SEMA3C: variants seen among roughly 807,000 people sequenced by gnomAD.
SEMA3C encodes semaphorin-3C.
A neutral mutation model predicts 89.4 loss-of-function variants in SEMA3C; 47 were observed. The ratio of observed to expected loss-of-function variants is 0.53; its 90% CI spans 0.42 to 0.67. The LOEUF (loss-of-function observed/expected upper bound fraction) is 0.67. SEMA3C is among the 30% of genes least tolerant of loss of function. The probability of loss-of-function intolerance (pLI) is 0.00; values close to 1 mark genes in which losing one functional copy is unlikely to be tolerated. For missense variants in SEMA3C, 839 were observed against 929.1 expected, an observed-to-expected ratio of 0.90 and a Z score of 1.26; for synonymous variants, 310 against 320.2, an observed-to-expected ratio of 0.97 and a Z score of 0.34.
intron 2 of SEMA3C, among the ~76,000 whole-genome samples, chr7:80,850,826 A>G (rs1360625737): frequency 1.3e-5 from 2 of 152,190 alleles, no homozygotes; most frequent in African/African-American, 4.8e-5. Flanking sequence ...GAATCAGTGT[A>G]TATTAGTTTT....
At chr7:80,870,077 C>T (rs529751908) in intron 2 of SEMA3C, among the ~76,000 whole-genome samples, 5 of 152,250 alleles carry the variant, frequency 3.3e-5, no homozygotes, top group African/African-American at 7.2e-5. Context: ...GTCCACTGTC[C>T]TCCATGCTCT....
chr7:80,761,766 T>C (rs1583852468), intron 13 of SEMA3C, 109 bp from the exon 14 acceptor site: 1 of 598,426 alleles, frequency 1.7e-6, no homozygotes, highest in Non-Finnish European at 2.9e-6. Context: ...TTTCTTTATA[T>C]ATACATCTAC....
At position 80,869,230 on chromosome 7, in the gene SEMA3C, T is replaced by C. The variant is rs558092261; in HGVS notation, c.104-40485A>G. ...GGCAGTGCTTGTAAGTGATCACTTA[T>C]GAATTTAATGTTCATAATTAGCTGT... On this transcript the variant is annotated intron_variant, in intron 2 of 17. Transcript: ENST00000265361. Among the ~76,000 whole-genome samples the C allele has an allele frequency of 1.1e-3, 169 of 152,308 alleles. 1 individual carries two copies. The Middle Eastern group carries it at 0.02, about 18-fold the overall frequency.
chr7:80,828,767 G>A lies in SEMA3C; in HGVS notation c.104-22C>T, dbSNP rs552457991. ...AGTTCTGAAAGAGTGAACAGCACAA[G>A]TGTAGATACAGTATCCTGGTTCTAT... On this transcript the variant is annotated intron_variant, in intron 2 of 17. Coordinates refer to ENST00000265361, the MANE Select transcript of SEMA3C (RefSeq NM_006379.5). 3.5e-5 allele frequency: 55 copies of A among 1,560,006 alleles called. 1 individual carries two copies. The highest frequency in any genetic ancestry group is 3.5e-4 in the South Asian group (29 of 82,764).
chr7:80,795,852 T>C (rs1042770637), intron 11 of SEMA3C, among the ~76,000 whole-genome samples: 2 of 152,154 alleles, frequency 1.3e-5, no homozygotes, highest in Admixed American at 6.5e-5. Flanking sequence ...ATGGTGTAGA[T>C]AGTTCCATGA....
chr7:80,913,314 T>C (rs955154469), intron 2 of SEMA3C, among the ~76,000 whole-genome samples: 6 of 152,058 alleles, frequency 3.9e-5, no homozygotes, highest in Non-Finnish European at 8.8e-5. Flanking sequence ...GGCAGGACAA[T>C]TGCTTGAACC....
chr7:80,751,176 C>T (rs758478056), intron 16 of SEMA3C, 93 bp downstream of exon 16: 43 of 1,018,602 alleles, frequency 4.2e-5, no homozygotes, highest in Admixed American at 8.1e-5. Flanking sequence ...GAAAGTGAAA[C>T]GCCTGAATCT....
intron 2 of SEMA3C, among the ~76,000 whole-genome samples, chr7:80,842,029 T>G (rs554952147): frequency 3.9e-5 from 6 of 152,146 alleles, no homozygotes; most frequent in Non-Finnish European, 8.8e-5. Flanking sequence ...TCCTTTTTTC[T>G]TGTCTCTCTC....
chr7:80,779,240 T>C (rs960094007), intron 12 of SEMA3C, among the ~76,000 whole-genome samples: 1 of 152,176 alleles, frequency 6.6e-6, no homozygotes, highest in Non-Finnish European at 1.5e-5. Flanking sequence ...ATGATTTTCA[T>C]TGGGTTGCTG....
At chr7:80,749,171 A>G in intron 16 of SEMA3C, 143 bp from the exon 17 acceptor site, 1 of 830,926 alleles carries the variant, frequency 1.2e-6, no homozygotes, top group East Asian at 3.0e-5. Flanking sequence ...AACAGTGGTA[A>G]TCATTTAACA....
intron 12 of SEMA3C, among the ~76,000 whole-genome samples, chr7:80,777,708 C>T (rs1302638780): frequency 6.6e-6 from 1 of 152,180 alleles, no homozygotes; most frequent in African/African-American, 2.4e-5. Context: ...TAGAATTTTA[C>T]AGGTGCACAC....
At chr7:80,775,525 A>C (rs967040939) in intron 12 of SEMA3C, among the ~76,000 whole-genome samples, 1 of 152,154 alleles carries the variant, frequency 6.6e-6, no homozygotes, top group Non-Finnish European at 1.5e-5. Flanking sequence ...ATTATATTCT[A>C]TTTTTAATGC....
chr7:80,872,670 G>A (rs555082071), intron 2 of SEMA3C, among the ~76,000 whole-genome samples: 2 of 151,456 alleles, frequency 1.3e-5, no homozygotes, highest in East Asian at 2.0e-4. Context: ...GCATGGTGGT[G>A]CGCACCTGTA....
chr7:80,860,524 C>T (rs1184317195), intron 2 of SEMA3C, among the ~76,000 whole-genome samples: 2 of 152,090 alleles, frequency 1.3e-5, no homozygotes, highest in East Asian at 3.9e-4. Context: ...AAACTATAGC[C>T]TGAGCTCTGC....
intron 2 of SEMA3C, among the ~76,000 whole-genome samples, chr7:80,890,198 T>C (rs553033866): frequency 6.6e-5 from 10 of 152,252 alleles, no homozygotes; most frequent in Admixed American, 5.2e-4. Flanking sequence ...AAAATATTAC[T>C]ATGGGTCAAT....
At chr7:80,863,626 G>A (rs929923973) in intron 2 of SEMA3C, among the ~76,000 whole-genome samples, 3 of 150,532 alleles carry the variant, frequency 2.0e-5, no homozygotes, top group South Asian at 2.1e-4. Flanking sequence ...GTCAATCAAC[G>A]AGTAGATAAA....
At chr7:80,855,137 T>G (rs1790607916) in intron 2 of SEMA3C, among the ~76,000 whole-genome samples, 1 of 152,142 alleles carries the variant, frequency 6.6e-6, no homozygotes, top group African/African-American at 2.4e-5. Context: ...GCTATGTAAA[T>G]GAAAAGACTA....
intron 12 of SEMA3C, among the ~76,000 whole-genome samples, chr7:80,768,095 A>T (rs1227969425): frequency 6.6e-6 from 1 of 152,248 alleles, no homozygotes; most frequent in East Asian, 1.9e-4. Flanking sequence ...CATACTCTGT[A>T]ATTTAAAATT....
chr7:80,754,561 T>G (rs915747660), intron 15 of SEMA3C, among the ~76,000 whole-genome samples: 1 of 152,198 alleles, frequency 6.6e-6, no homozygotes, highest in Non-Finnish European at 1.5e-5. Context: ...ATTCATTCAC[T>G]AACATGTTTT....
Sources: gnomAD v4.1 joint callset for allele counts (sites outside exome capture counted in the v4.1 genomes callset) on GRCh38, gnomAD v4.1.1 for gene constraint, MANE v1.5 for transcripts, NCBI Gene and HGNC (gene_info 2026-07-23, HGNC 2026-07-21) for gene names.